The following PTPRD variants were observed in gnomAD, a reference collection of about 807,000 sequenced individuals.
PTPRD encodes the protein protein tyrosine phosphatase receptor type D, also known as receptor-type tyrosine-protein phosphatase delta.
A neutral mutation model predicts 214.5 loss-of-function variants in PTPRD; 34 were observed. The ratio of observed to expected loss-of-function variants is 0.16; its 90% confidence interval spans 0.12 to 0.21. The LOEUF (loss-of-function observed/expected upper bound fraction) is 0.21. Ranked by LOEUF, PTPRD falls within the 10% of genes least tolerant of loss-of-function variation. The pLI, the probability that PTPRD is intolerant of heterozygous loss-of-function variation, is 1.00. For synonymous variants in PTPRD, 1,128 were observed against 845.7 expected (o/e 1.33, Z -5.79); for missense variants, 2,545 against 2,398.7 (o/e 1.06, Z -1.27).
At chr9:8,858,050 C>G (rs984799002) in intron 11 of PTPRD, 1 of 159,110 alleles carries the variant, frequency 6.3e-6, no homozygotes, top group Non-Finnish European at 1.3e-5. Context: ...TCGCCCTGCG[C>G]CCGCTTCTCT....
At chr9:8,818,440 T>C (rs548684885) in intron 11 of PTPRD, among the ~76,000 whole-genome samples, 1 of 152,324 alleles carries the variant, frequency 6.6e-6, no homozygotes, top group African/African-American at 2.4e-5. Context: ...AGTAAACACT[T>C]ACAGGCCAGG....
At chr9:10,000,843 C>T (rs1453794276) in intron 4 of PTPRD, among the ~76,000 whole-genome samples, 1 of 152,170 alleles carries the variant, frequency 6.6e-6, no homozygotes, top group South Asian at 2.1e-4. Context: ...GCTATCTCCA[C>T]GGGTGCAGGA....
chr9:9,883,950 G>T (rs2069784312), intron 5 of PTPRD, among the ~76,000 whole-genome samples: 2 of 152,092 alleles, frequency 1.3e-5, no homozygotes, highest in South Asian at 4.1e-4. Flanking sequence ...CTTTCAGTGA[G>T]TATTTGACAT....
intron 34 of PTPRD, among the ~76,000 whole-genome samples, chr9:8,443,512 C>G (rs935910305): frequency 1.3e-5 from 2 of 152,170 alleles, no homozygotes. Flanking sequence ...GTTTTCACAG[C>G]CCATCAATCA....
intron 5 of PTPRD, among the ~76,000 whole-genome samples, chr9:9,868,740 A>T (rs2064663015): frequency 6.6e-6 from 1 of 152,084 alleles, no homozygotes; most frequent in Admixed American, 6.6e-5. Flanking sequence ...GAACAAAGAA[A>T]AATGAAATCT....
chr9:9,060,318 G>A (rs1217549795), intron 10 of PTPRD, among the ~76,000 whole-genome samples: 1 of 152,092 alleles, frequency 6.6e-6, no homozygotes, highest in Non-Finnish European at 1.5e-5. Context: ...CTCTTAATAA[G>A]TGAATTTGAC....
intron 6 of PTPRD, among the ~76,000 whole-genome samples, chr9:9,758,166 G>A (rs1230146351): frequency 1.7e-5 from 2 of 120,260 alleles, no homozygotes; most frequent in African/African-American, 7.3e-5. Flanking sequence ...AAAAAAAATT[G>A]TATTCTCCCT....
At chr9:9,911,179 G>C (rs1377071653) in intron 5 of PTPRD, among the ~76,000 whole-genome samples, 6 of 152,110 alleles carry the variant, frequency 3.9e-5, no homozygotes, top group African/African-American at 1.4e-4. Flanking sequence ...GCTTTAGTTT[G>C]TTTGGGAAGG....
intron 11 of PTPRD, among the ~76,000 whole-genome samples, chr9:8,993,757 G>A (rs1011329031): frequency 6.6e-6 from 1 of 152,036 alleles, no homozygotes; most frequent in African/African-American, 2.4e-5. Flanking sequence ...GAGTTTCTCA[G>A]ACTTTTCAGC....
chr9:9,459,471 A>G (rs1174566099), intron 8 of PTPRD, among the ~76,000 whole-genome samples: 1 of 152,132 alleles, frequency 6.6e-6, no homozygotes, highest in Non-Finnish European at 1.5e-5. Context: ...TTCTTCCAAA[A>G]GACTCCTAGA....
intron 39 of PTPRD, among the ~76,000 whole-genome samples, chr9:8,370,243 T>C (rs1213667536): frequency 1.1e-4 from 16 of 142,912 alleles, no homozygotes; most frequent in South Asian, 2.4e-4. Context: ...CACACATATA[T>C]ATATATGTGC....
chr9:9,569,206 T>G (rs1210548936), intron 8 of PTPRD, among the ~76,000 whole-genome samples: 1 of 151,698 alleles, frequency 6.6e-6, no homozygotes, highest in Non-Finnish European at 1.5e-5. Flanking sequence ...CGCTAGTCAT[T>G]TGCGAATGTT....
At chr9:8,765,399 C>T (rs1028270967) in intron 11 of PTPRD, among the ~76,000 whole-genome samples, 1 of 152,234 alleles carries the variant, frequency 6.6e-6, no homozygotes, top group Non-Finnish European at 1.5e-5. Flanking sequence ...TTCATTCTCT[C>T]TGGCATAAGC....
intron 8 of PTPRD, among the ~76,000 whole-genome samples, chr9:9,517,702 A>C (rs963995646): frequency 2.6e-5 from 4 of 152,016 alleles, no homozygotes; most frequent in African/African-American, 9.7e-5. Flanking sequence ...AAACATCATT[A>C]TTTCTTTTTC....
Position 10,141,502 on chromosome 9 carries a change from T to C in PTPRD, c.-544-107712A>G, listed in dbSNP as rs532044519. ...ATCATGAGTGAACTCCCATTCACAATTGCTTCAAAGAGAATAAAATACTTA... is the reference window on the plus strand; with the variant it reads ...ATCATGAGTGAACTCCCATTCACAACTGCTTCAAAGAGAATAAAATACTTA... On this transcript the variant is annotated intron_variant, in intron 3 of 45. Coordinates refer to ENST00000381196, the MANE Select transcript of PTPRD (RefSeq NM_002839.4). 9.5e-4 allele frequency among the ~76,000 whole-genome samples: 145 copies of C among 152,216 alleles called. 1 individual carries two copies. Among genetic ancestry groups the C allele is most frequent in the Admixed American group, 2.0e-3 (31 of 15,276 alleles).
intron 11 of PTPRD, among the ~76,000 whole-genome samples, chr9:8,822,279 G>A (rs779038766): frequency 3.3e-5 from 5 of 152,142 alleles, no homozygotes; most frequent in Non-Finnish European, 7.3e-5. Context: ...CCATGCCCAG[G>A]TAATGTCTGC....
chr9:8,490,266 C>A (rs895419572), intron 27 of PTPRD, among the ~76,000 whole-genome samples: 1 of 152,188 alleles, frequency 6.6e-6, no homozygotes, highest in South Asian at 2.1e-4. Context: ...ACTCTTCTCC[C>A]TTTTACATTT....
intron 7 of PTPRD, among the ~76,000 whole-genome samples, chr9:9,610,984 A>T (rs2094482414): frequency 6.6e-6 from 1 of 152,182 alleles, no homozygotes; most frequent in African/African-American, 2.4e-5. Context: ...GGCACTCAAC[A>T]CATTGATTGA....
intron 7 of PTPRD, among the ~76,000 whole-genome samples, chr9:9,676,522 ACCATTGATGGACATTTGGCTTGGTT>A (rs1461878544): frequency 6.6e-6 from 1 of 151,904 alleles, no homozygotes; most frequent in African/African-American, 2.4e-5. Flanking sequence ...AATCCAGTCT[ACCATTGATGGACATTTGGCTTGGTT>A]CCAAGTCTTT....
Sources: allele counts gnomAD v4.1 joint callset (sites outside exome capture counted in the v4.1 genomes callset), GRCh38; gene constraint gnomAD v4.1.1; transcripts MANE v1.5; gene names NCBI Gene and HGNC (gene_info 2026-07-23, HGNC 2026-07-21).